CFAP47: variants seen among roughly 807,000 people sequenced by gnomAD.
CFAP47 encodes the protein cilia- and flagella-associated protein 47.
In CFAP47, 29 loss-of-function variants were observed where a neutral mutation model predicts 148.1. That is an observed-to-expected ratio of 0.20 (90% CI 0.15 to 0.27). The LOEUF (loss-of-function observed/expected upper bound fraction) is 0.27, where lower values mean the gene tolerates loss of function less well. Ranked by LOEUF, CFAP47 falls within the 10% of genes least tolerant of loss-of-function variation. The pLI, the probability that CFAP47 is intolerant of heterozygous loss-of-function variation, is 1.00. For missense variants in CFAP47, 1,872 were observed against 1,697.5 expected (o/e 1.10, Z -1.81); for synonymous variants, 664 against 577.3 (o/e 1.15, Z -2.15).
intron 56 of CFAP47, among the ~76,000 whole-genome samples, chrX:36,318,051 A>G (rs1941451217): frequency 9.0e-6 from 1 of 111,704 alleles, no homozygotes; most frequent in African/African-American, 3.3e-5. Context: ...TCTGATTCAT[A>G]GGGGCTAGGG....
intron 26 of CFAP47, 99 bp from the exon 27 acceptor site, chrX:36,065,544 C>T (rs1019603108): frequency 6.5e-6 from 3 of 463,993 alleles, no homozygotes; most frequent in African/African-American, 2.5e-5. Flanking sequence ...ATGAATAAAT[C>T]ATGTCTTCAT....
At chrX:36,177,436 C>A (rs986395307) in intron 39 of CFAP47, among the ~76,000 whole-genome samples, 4 of 111,635 alleles carry the variant, frequency 3.6e-5, no homozygotes, top group Non-Finnish European at 5.6e-5. Context: ...TTGGAATATT[C>A]TTCTGCCTCA....
At chrX:36,254,413 T>C (rs782130719) in intron 49 of CFAP47, among the ~76,000 whole-genome samples, 211 of 111,303 alleles carry the variant, frequency 1.9e-3, no homozygotes, top group African/African-American at 6.7e-3. Flanking sequence ...TTTTACTTAT[T>C]GCACTGGGAG....
intron 7 of CFAP47, among the ~76,000 whole-genome samples, 180 bp from the exon 8 acceptor site, chrX:35,955,781 A>G (rs1050525125): frequency 8.9e-6 from 1 of 112,769 alleles, no homozygotes; most frequent in African/African-American, 3.2e-5. Flanking sequence ...TGTCTCTTTT[A>G]TTCACTGCTG....
intron 37 of CFAP47, among the ~76,000 whole-genome samples, chrX:36,155,155 T>A (rs182168698): frequency 7.2e-5 from 8 of 110,913 alleles, no homozygotes; most frequent in African/African-American, 2.3e-4. Context: ...TCTCATGACA[T>A]CCTGTTCTTA....
chrX:36,159,943 A>G (rs2146849249), intron 38 of CFAP47, among the ~76,000 whole-genome samples: 1 of 111,868 alleles, frequency 8.9e-6, no homozygotes, highest in African/African-American at 3.2e-5. Context: ...TGGGGAAGAG[A>G]GATTTTTAAA....
At chrX:36,048,771 A>G (rs1937496235) in intron 26 of CFAP47, among the ~76,000 whole-genome samples, 1 of 111,923 alleles carries the variant, frequency 8.9e-6, no homozygotes, top group South Asian at 3.8e-4. Flanking sequence ...AAAAACCACA[A>G]TTACTTTTGC....
At chrX:35,928,480 GTT>G (rs1935778472) in intron 2 of CFAP47, among the ~76,000 whole-genome samples, 1 of 111,215 alleles carries the variant, frequency 9.0e-6, no homozygotes, top group Non-Finnish European at 1.9e-5. Context: ...CTGTTAATGT[GTT>G]TTTCTCATTT....
intron 39 of CFAP47, among the ~76,000 whole-genome samples, chrX:36,166,057 T>C (rs1447617101): frequency 2.7e-5 from 3 of 111,697 alleles, no homozygotes; most frequent in African/African-American, 9.8e-5. Flanking sequence ...GTTTTTTATA[T>C]TTTAACCTTC....
At chrX:36,157,374 T>A (rs914287318) in intron 37 of CFAP47, among the ~76,000 whole-genome samples, 3 of 112,339 alleles carry the variant, frequency 2.7e-5, no homozygotes, top group Non-Finnish European at 5.6e-5. Flanking sequence ...ATATTTTGCA[T>A]CATTACCCCT....
intron 45 of CFAP47, among the ~76,000 whole-genome samples, chrX:36,206,635 G>A (rs1484551431): frequency 9.0e-6 from 1 of 111,535 alleles, no homozygotes; most frequent in Non-Finnish European, 1.9e-5. Flanking sequence ...GTATAACCAA[G>A]GATACACAGC....
At chrX:36,266,308 G>A (rs1012498247) in intron 49 of CFAP47, among the ~76,000 whole-genome samples, 3 of 110,583 alleles carry the variant, frequency 2.7e-5, no homozygotes, top group African/African-American at 9.9e-5. Context: ...ACACTGTGAC[G>A]GGGTGGCAGG....
chrX:36,282,992 GAAT>G (rs1368082680), intron 50 of CFAP47, among the ~76,000 whole-genome samples: 1 of 110,894 alleles, frequency 9.0e-6, no homozygotes, highest in East Asian at 2.8e-4. Context: ...AGTATTTTCT[GAAT>G]AATATAAATG....
intron 33 of CFAP47, among the ~76,000 whole-genome samples, chrX:36,120,789 T>C (rs1938729805): frequency 9.0e-6 from 1 of 111,194 alleles, no homozygotes; most frequent in Admixed American, 9.6e-5. Flanking sequence ...ACATATAATC[T>C]GTTTTTGAGA....
chrX:36,063,369 A>G (rs1021964624), intron 26 of CFAP47, among the ~76,000 whole-genome samples: 3 of 111,448 alleles, frequency 2.7e-5, no homozygotes, highest in Admixed American at 1.9e-4. Context: ...CTGTTTTAAT[A>G]TATTTTAATA....
intron 10 of CFAP47, among the ~76,000 whole-genome samples, chrX:35,970,508 A>G (rs776282535): frequency 6.3e-5 from 7 of 111,317 alleles, no homozygotes; most frequent in Non-Finnish European, 1.3e-4. Context: ...TCAAAGATGG[A>G]TTTAGAATAG....
intron 57 of CFAP47, among the ~76,000 whole-genome samples, chrX:36,336,252 C>G (rs868953797): frequency 9.5e-4 from 66 of 69,611 alleles, no homozygotes; most frequent in South Asian, 2.0e-3. Context: ...CAGACACACA[C>G]ACACACACAC....
intron 3 of CFAP47, among the ~76,000 whole-genome samples, chrX:35,944,762 T>G (rs1936061251): frequency 9.0e-6 from 1 of 111,667 alleles, no homozygotes; most frequent in African/African-American, 3.3e-5. Context: ...AGTGTCTAAT[T>G]TGCTTCTCTA....
At chrX:36,057,860 A>G (rs1225906937) in intron 26 of CFAP47, among the ~76,000 whole-genome samples, 1 of 111,441 alleles carries the variant, frequency 9.0e-6, no homozygotes, top group Non-Finnish European at 1.9e-5. Context: ...CAACAGCACC[A>G]ACCTAAGCTT....
Sources: allele counts gnomAD v4.1 joint callset (sites outside exome capture counted in the v4.1 genomes callset), GRCh38; gene constraint gnomAD v4.1.1; transcripts MANE v1.5; gene names NCBI Gene and HGNC (gene_info 2026-07-23, HGNC 2026-07-21).